Variants in MIA2 observed in about 807,000 individuals in gnomAD.
MIA2 encodes the protein MIA SH3 domain ER export factor 2.
Under a neutral mutation model 167.8 loss-of-function variants are expected in MIA2, and 127 were observed. That is an observed-to-expected ratio of 0.76 (90% CI 0.66 to 0.88). MIA2 has a LOEUF of 0.88. Ranked by LOEUF, MIA2 falls within the 40% of genes least tolerant of loss-of-function variation. The probability of loss-of-function intolerance (pLI) is 0.00; values close to 1 mark genes in which losing one functional copy is unlikely to be tolerated. For synonymous variants in MIA2, 552 were observed against 541.9 expected, an observed-to-expected ratio of 1.02 and a Z score of -0.26; for missense variants, 1,690 against 1,624.7, an observed-to-expected ratio of 1.04 and a Z score of -0.69.
chr14:39,252,858 G>A lies in MIA2; in HGVS notation c.1678G>A (p.Gly560Arg). The change falls in exon 5 of 29, where the codon GGG (glycine) becomes AGG (arginine). Residue 560 changes from glycine to arginine, a missense_variant. By Grantham distance (125) the Gly-to-Arg change is moderately radical. Coordinates refer to ENST00000640607, the MANE Select transcript of MIA2 (RefSeq NM_001329214.4). ...TTCGAAACCATCAGTAGACACCGAA[G>A]GGCCTGCTCTGGTGGAGATAGACAG... ...ENSKPSVDTE[G>R]PALVEIDRSV... 2 of 1,613,882 alleles carry A rather than the reference G, an allele frequency of 1.2e-6. No homozygotes were observed. Among genetic ancestry groups the A allele is most frequent in the East Asian group, 2.2e-5 (1 of 44,872 alleles).
At chr14:39,354,880 G>T (rs2074480896), downstream of MIA2, among the ~76,000 whole-genome samples, 1 of 151,994 alleles carries the variant, frequency 6.6e-6, no homozygotes, top group Non-Finnish European at 1.5e-5. Flanking sequence ...TTGATGTGTG[G>T]CATTATTTCT....
intron 7 of MIA2, 133 bp from the exon 8 acceptor site, chr14:39,279,204 A>G: frequency 1.5e-6 from 1 of 671,460 alleles, no homozygotes; most frequent in Non-Finnish European, 2.5e-6. Flanking sequence ...TTGGAAACAG[A>G]ATACTTTTGG....
chr14:39,341,018 T>C (rs1008148980), intron 25 of MIA2, among the ~76,000 whole-genome samples: 16 of 151,994 alleles, frequency 1.1e-4, no homozygotes, highest in African/African-American at 3.6e-4. Context: ...ATGGATAATA[T>C]TGGCTGGGCA....
At chr14:39,361,286 G>A (rs924073580) in intron 23 of MIA2, among the ~76,000 whole-genome samples, 1 of 152,128 alleles carries the variant, frequency 6.6e-6, no homozygotes, top group African/African-American at 2.4e-5. Context: ...GATGGGATGG[G>A]ATCTTTCTGT....
intron 23 of MIA2, among the ~76,000 whole-genome samples, chr14:39,365,886 T>C (rs2074811823): frequency 6.6e-6 from 1 of 152,232 alleles, no homozygotes; most frequent in African/African-American, 2.4e-5. Flanking sequence ...CACATTTTCT[T>C]TCTTTTTTAT....
In MIA2 at chr14:39,374,834, CT is replaced by C. The variant is rs373629275; in HGVS notation, c.2249-12049del. On this transcript the variant is annotated intron_variant, in intron 23 of 23. Transcript: ENST00000341502. ...TGAGAAACTCATTTTGCGTGTAATA[CT>C]TCATATTTTTCAAAACAATCCTGTG... is the stretch of plus-strand genomic sequence containing the variant. Among the ~76,000 whole-genome samples, 226 of 152,280 alleles carry C rather than the reference CT, an allele frequency of 1.5e-3. 2 individuals are homozygous for C. Among genetic ancestry groups the C allele is most frequent in the African/African-American group, 5.2e-3 (218 of 41,554 alleles).
intron 25 of MIA2, among the ~76,000 whole-genome samples, chr14:39,337,393 G>A (rs2070683234): frequency 6.6e-6 from 1 of 152,126 alleles, no homozygotes. Context: ...AGAAAATTCA[G>A]CAAGTATATA....
intron 24 of MIA2, among the ~76,000 whole-genome samples, chr14:39,324,582 G>A (rs1275641248): frequency 6.6e-6 from 1 of 151,912 alleles, no homozygotes; most frequent in African/African-American, 2.4e-5. Flanking sequence ...CTGAAATAGA[G>A]TAAGCATTTT....
chr14:39,239,372 T>TACACAC (rs149021252), intron 2 of MIA2, among the ~76,000 whole-genome samples: 8 of 150,192 alleles, frequency 5.3e-5, no homozygotes, highest in African/African-American at 2.0e-4. Context: ...ATAGCAAGAA[T>TACACAC]ACACACACAC....
intron 28 of MIA2, among the ~76,000 whole-genome samples, chr14:39,349,753 G>A (rs2074130270): frequency 6.6e-6 from 1 of 152,092 alleles, no homozygotes; most frequent in Non-Finnish European, 1.5e-5. Context: ...TAAGTTTGTT[G>A]AAAATTATAT....
rs1486170480 is a variant in MIA2, at chr14:39,261,172, A to G, written c.1887+8001A>G. On this transcript the variant is annotated intron_variant, in intron 6 of 28. Coordinates refer to ENST00000640607, the MANE Select transcript of MIA2 (RefSeq NM_001329214.4). ...ACCCCACGACAGGCTCTGGTGTGTG[A>G]TGTTCCCCTTCCTGTGTCCATGTGT... is the stretch of plus-strand genomic sequence containing the variant. Among the ~76,000 whole-genome samples the G allele has an allele frequency of 2.6e-5, 4 of 151,588 alleles. No individual in the cohort carries two copies. The East Asian group carries it at 7.7e-4, about 29-fold the overall frequency.
chr14:39,272,294 G>A (rs548409217), intron 6 of MIA2, among the ~76,000 whole-genome samples: 5 of 152,290 alleles, frequency 3.3e-5, no homozygotes, highest in South Asian at 2.1e-4. Context: ...GGAGGTTGCC[G>A]TGAGCTGAGA....
At chr14:39,375,474 T>C (rs961493948) in intron 23 of MIA2, among the ~76,000 whole-genome samples, 1 of 152,178 alleles carries the variant, frequency 6.6e-6, no homozygotes. Context: ...GGCAGACGGA[T>C]TGCCTGAGCT....
chr14:39,246,538 C>T (rs572319919), intron 3 of MIA2, among the ~76,000 whole-genome samples: 28 of 152,076 alleles, frequency 1.8e-4, no homozygotes, highest in African/African-American at 6.0e-4. Context: ...GGCAACATAG[C>T]GAGACTCTAT....
downstream of MIA2, among the ~76,000 whole-genome samples, chr14:39,354,509 T>C (rs916109448): frequency 1.3e-5 from 2 of 152,190 alleles, no homozygotes; most frequent in Non-Finnish European, 2.9e-5. Flanking sequence ...ATTTTGTAGG[T>C]TGCCTGTTTA....
intron 23 of MIA2, among the ~76,000 whole-genome samples, chr14:39,358,699 T>G (rs2074597958): frequency 6.6e-6 from 1 of 152,204 alleles, no homozygotes; most frequent in Non-Finnish European, 1.5e-5. Context: ...ACCTTTGGTC[T>G]TTGATGATGG....
At chr14:39,371,376 A>G (rs528804584) in intron 23 of MIA2, among the ~76,000 whole-genome samples, 2 of 152,314 alleles carry the variant, frequency 1.3e-5, no homozygotes, top group South Asian at 4.1e-4. Context: ...TTGCAAAAAA[A>G]GACAAGACTT....
At chr14:39,298,754 C>T (rs2061908149) in intron 13 of MIA2, among the ~76,000 whole-genome samples, 1 of 150,202 alleles carries the variant, frequency 6.7e-6, no homozygotes, top group Non-Finnish European at 1.5e-5. Flanking sequence ...TCTTTGCTTG[C>T]TAAGGTTATT....
intron 23 of MIA2, among the ~76,000 whole-genome samples, chr14:39,366,264 C>T (rs951070283): frequency 6.6e-6 from 1 of 152,018 alleles, no homozygotes; most frequent in African/African-American, 2.4e-5. Context: ...GGTGTCCATA[C>T]ACGGGTACAG....
Sources: allele counts gnomAD v4.1 joint callset (sites outside exome capture counted in the v4.1 genomes callset), GRCh38; gene constraint gnomAD v4.1.1; transcripts MANE v1.5; gene names NCBI Gene and HGNC (gene_info 2026-07-23, HGNC 2026-07-21).